CDH12: variants seen among roughly 807,000 people sequenced by gnomAD.
CDH12 encodes cadherin-12.
A neutral mutation model predicts 74.1 loss-of-function variants in CDH12; 41 were observed. That is an observed-to-expected ratio of 0.55 (90% CI 0.43 to 0.72). The LOEUF is 0.72. Ranked by LOEUF, CDH12 falls within the 30% of genes least tolerant of loss-of-function variation. The pLI, the probability that CDH12 is intolerant of heterozygous loss-of-function variation, is 0.00. For missense variants in CDH12, 945 were observed against 977.2 expected (o/e 0.97, Z 0.44); for synonymous variants, 399 against 355.0 (o/e 1.12, Z -1.39).
At chr5:22,202,787 C>A (rs1368533850) in intron 4 of CDH12, among the ~76,000 whole-genome samples, 1 of 152,122 alleles carries the variant, frequency 6.6e-6, no homozygotes, top group African/African-American at 2.4e-5. Flanking sequence ...TATAACTTTG[C>A]CAAATTTATG....
At chr5:22,713,304 C>T (rs556902258) in intron 1 of CDH12, among the ~76,000 whole-genome samples, 2 of 151,778 alleles carry the variant, frequency 1.3e-5, no homozygotes, top group South Asian at 4.2e-4. Flanking sequence ...CCATGCCCCA[C>T]TGATTTTTTT....
intron 1 of CDH12, among the ~76,000 whole-genome samples, chr5:22,611,211 T>C (rs1737378632): frequency 6.6e-6 from 1 of 152,152 alleles, no homozygotes; most frequent in South Asian, 2.1e-4. Context: ...ACTTCTGACT[T>C]ATCCCAAAAC....
intron 5 of CDH12, among the ~76,000 whole-genome samples, chr5:22,017,585 A>G (rs1425157045): frequency 6.6e-6 from 1 of 152,140 alleles, no homozygotes; most frequent in African/African-American, 2.4e-5. Context: ...CGAAATCATA[A>G]AGAGACTAAT....
intron 1 of CDH12, among the ~76,000 whole-genome samples, chr5:22,725,609 A>G (rs533535863): frequency 1.8e-4 from 28 of 151,472 alleles, no homozygotes; most frequent in South Asian, 8.3e-4. Flanking sequence ...TTTTATATAT[A>G]TAAGGACACT....
chr5:22,567,581 T>C (rs1174220422), intron 1 of CDH12, among the ~76,000 whole-genome samples: 1 of 152,236 alleles, frequency 6.6e-6, no homozygotes, highest in Non-Finnish European at 1.5e-5. Flanking sequence ...AATGGTGCTT[T>C]GTGGAAAGAC....
chr5:22,513,854 A>C (rs1024604427), intron 1 of CDH12, among the ~76,000 whole-genome samples: 1 of 151,666 alleles, frequency 6.6e-6, no homozygotes, highest in South Asian at 2.1e-4. Context: ...AGGTTGAGGT[A>C]AGAGAATTGC....
intron 3 of CDH12, among the ~76,000 whole-genome samples, chr5:22,373,403 G>A (rs1322626611): frequency 2.6e-5 from 4 of 152,122 alleles, no homozygotes; most frequent in Non-Finnish European, 5.9e-5. Context: ...CATGGCCAAG[G>A]GGACTGAGAA....
At chr5:22,266,711 A>C (rs1736133307) in intron 3 of CDH12, among the ~76,000 whole-genome samples, 1 of 152,160 alleles carries the variant, frequency 6.6e-6, no homozygotes, top group African/African-American at 2.4e-5. Flanking sequence ...GGAGTATTTT[A>C]TGCTACTGAT....
chr5:21,927,576 G>C (rs2150077662), intron 6 of CDH12, among the ~76,000 whole-genome samples: 1 of 152,058 alleles, frequency 6.6e-6, no homozygotes, highest in South Asian at 2.1e-4. Flanking sequence ...GGGTGACAGA[G>C]GAAGACTCTG....
intron 4 of CDH12, among the ~76,000 whole-genome samples, chr5:22,192,084 C>A (rs1367479971): frequency 3.9e-5 from 6 of 151,992 alleles, no homozygotes; most frequent in African/African-American, 1.5e-4. Context: ...TATAGGAGGG[C>A]CACCATGCCC....
At chr5:22,064,022 A>AACAC (rs374544574) in intron 5 of CDH12, among the ~76,000 whole-genome samples, 5 of 121,744 alleles carry the variant, frequency 4.1e-5, no homozygotes. Flanking sequence ...CACACACACA[A>AACAC]ACACACACAC....
chr5:22,122,046 T>G (rs1745546199), intron 4 of CDH12, among the ~76,000 whole-genome samples: 1 of 152,058 alleles, frequency 6.6e-6, no homozygotes, highest in Admixed American at 6.6e-5. Context: ...AAATACTTAT[T>G]AGGTCATGTT....
At chr5:22,828,262 A>G (rs1736429556) in intron 1 of CDH12, among the ~76,000 whole-genome samples, 1 of 152,188 alleles carries the variant, frequency 6.6e-6, no homozygotes, top group Non-Finnish European at 1.5e-5. Flanking sequence ...TAATATCATT[A>G]TAGGTTATAG....
chr5:22,057,456 A>G (rs1740820525), intron 5 of CDH12, among the ~76,000 whole-genome samples: 2 of 149,984 alleles, frequency 1.3e-5, no homozygotes, highest in Admixed American at 6.7e-5. Context: ...AATTGTGAGG[A>G]AAAAAAAAAT....
intron 5 of CDH12, among the ~76,000 whole-genome samples, chr5:22,009,226 A>T: frequency 6.6e-6 from 1 of 152,244 alleles, no homozygotes; most frequent in Non-Finnish European, 1.5e-5. Flanking sequence ...CAGCTAATGA[A>T]TAAGCGAAAC....
At chr5:22,459,976 A>G (rs1162523523) in intron 2 of CDH12, among the ~76,000 whole-genome samples, 1 of 152,174 alleles carries the variant, frequency 6.6e-6, no homozygotes, top group African/African-American at 2.4e-5. Flanking sequence ...TCAAAAATAA[A>G]TAAATAAATA....
At chr5:22,342,621 TC>T (rs1275789242) in intron 3 of CDH12, among the ~76,000 whole-genome samples, 2 of 112,422 alleles carry the variant, frequency 1.8e-5, no homozygotes, top group African/African-American at 3.3e-5. Context: ...TTTCTTTCTT[TC>T]CTTTTCTATT....
At chr5:22,608,823 G>T (rs1243367881) in intron 1 of CDH12, among the ~76,000 whole-genome samples, 1 of 152,058 alleles carries the variant, frequency 6.6e-6, no homozygotes, top group South Asian at 2.1e-4. Context: ...TCCTGAAGAG[G>T]TGCCTTCCAC....
rs573627997 is a variant in CDH12 at position 22,751,320 on chromosome 5, G to GAT, written c.-523+101736_-523+101737dup. On this transcript the variant is annotated intron_variant, in intron 1 of 14. Transcript: ENST00000382254. ...ATCAAAAATAGAATTATTAAACTGT[G>GAT]ATATATATATATAATATACATATAT... Among the ~76,000 whole-genome samples, 737 of 112,126 alleles carry GAT rather than the reference G, an allele frequency of 6.6e-3. 3 individuals are homozygous for GAT. The highest frequency in any genetic ancestry group is 0.013 in the African/African-American group (396 of 30,154). The allele number at this position is 112,126 out of a possible 152,430, so 73.6% of individuals were successfully genotyped here.
Sources: gnomAD v4.1 joint callset for allele counts (sites outside exome capture counted in the v4.1 genomes callset) on GRCh38, gnomAD v4.1.1 for gene constraint, MANE v1.5 for transcripts, NCBI Gene and HGNC (gene_info 2026-07-23, HGNC 2026-07-21) for gene names.